IQUB: variants seen among roughly 807,000 people sequenced by gnomAD.
The protein encoded by IQUB is IQ motif and ubiquitin domain containing.
In IQUB, 86 loss-of-function variants were observed where a neutral mutation model predicts 86.4. That is an observed-to-expected ratio of 1.00 (90% CI 0.84 to 1.19). The LOEUF is 1.19. Ranked by LOEUF, IQUB falls within the 50% of genes most tolerant of loss-of-function variation. The pLI is 0.00. For synonymous variants in IQUB, 289 were observed against 304.5 expected (o/e 0.95, Z 0.53); for missense variants, 946 against 916.9 (o/e 1.03, Z -0.41).
chr7:123,494,595 T>C (rs1179016182), intron 7 of IQUB, among the ~76,000 whole-genome samples: 1 of 152,170 alleles, frequency 6.6e-6, no homozygotes, highest in Non-Finnish European at 1.5e-5. Context: ...TTTTCCTCCA[T>C]ATATAAATCA....
intron 11 of IQUB, 44 bp downstream of exon 11, chr7:123,461,313 C>G: frequency 6.4e-7 from 1 of 1,552,068 alleles, no homozygotes; most frequent in Non-Finnish European, 8.7e-7. Flanking sequence ...AGATAGCCTC[C>G]TTGACAAGCT....
rs369691241 is a variant in IQUB, at chr7:123,503,134, G to T, written c.695-18C>A. 10 of 1,609,714 alleles carry T rather than the reference G, an allele frequency of 6.2e-6. No individual in the cohort carries two copies. The highest frequency in any genetic ancestry group is 8.5e-6 in the Non-Finnish European group (10 of 1,178,308). On this transcript the variant is annotated intron_variant, in intron 4 of 12. Coordinates refer to ENST00000324698, the MANE Select transcript of IQUB (RefSeq NM_178827.5). ...ATCAAGTCCTGAGAGATAACACCAAGATTCAATGAAAGCTCAACCAAGAAG... is the reference window on the plus strand; with the variant it reads ...ATCAAGTCCTGAGAGATAACACCAATATTCAATGAAAGCTCAACCAAGAAG...
chr7:123,511,812 G>T (rs1796426171), intron 2 of IQUB, 132 bp downstream of exon 2: 1 of 625,058 alleles, frequency 1.6e-6, no homozygotes, highest in Non-Finnish European at 2.6e-6. Context: ...AACTCTGGAA[G>T]TTTGGTGGAT....
intron 9 of IQUB, among the ~76,000 whole-genome samples, chr7:123,466,805 T>G (rs1049928776): frequency 1.3e-5 from 2 of 152,144 alleles, no homozygotes; most frequent in African/African-American, 4.8e-5. Flanking sequence ...TTATATATAG[T>G]GAACCACTGA....
intron 3 of IQUB, among the ~76,000 whole-genome samples, chr7:123,506,196 T>TA (rs1562864534): frequency 1.3e-5 from 2 of 152,212 alleles, no homozygotes; most frequent in African/African-American, 4.8e-5. Context: ...TCCATATCAC[T>TA]ATCAGCATTT....
At chr7:123,526,745 T>C (rs1797235323) in intron 1 of IQUB, among the ~76,000 whole-genome samples, 1 of 151,822 alleles carries the variant, frequency 6.6e-6, no homozygotes. Context: ...GTCATTATGA[T>C]GTTAGCTGGT....
At chr7:123,508,354 T>G (rs1313971078) in intron 3 of IQUB, among the ~76,000 whole-genome samples, 1 of 152,214 alleles carries the variant, frequency 6.6e-6, no homozygotes, top group African/African-American at 2.4e-5. Context: ...GCGAAATATA[T>G]GTGCTGCTTT....
chr7:123,528,412 T>C (rs1430964493), intron 1 of IQUB, among the ~76,000 whole-genome samples: 1 of 152,224 alleles, frequency 6.6e-6, no homozygotes, highest in African/African-American at 2.4e-5. Flanking sequence ...TTCTCACAGA[T>C]GATATCATTA....
chr7:123,531,442 G>T (rs994060627), intron 1 of IQUB, among the ~76,000 whole-genome samples: 1 of 151,964 alleles, frequency 6.6e-6, no homozygotes, highest in African/African-American at 2.4e-5. Flanking sequence ...AAAACATAAT[G>T]CTGGGTATTT....
chr7:123,512,808 G>A (rs1015185638), intron 1 of IQUB, among the ~76,000 whole-genome samples: 1 of 152,076 alleles, frequency 6.6e-6, no homozygotes, highest in Non-Finnish European at 1.5e-5. Context: ...TGTAGCAGAG[G>A]TCTACAGTGA....
At chr7:123,462,856 A>AACTC (rs1419021193) in intron 10 of IQUB, 4 of 455,178 alleles carry the variant, frequency 8.8e-6, no homozygotes, top group Admixed American at 2.4e-5. Flanking sequence ...AGAAAAAAAT[A>AACTC]ACTCATTCTT....
At chr7:123,462,593 G>A (rs764596936) in intron 10 of IQUB, 8 of 197,556 alleles carry the variant, frequency 4.0e-5, no homozygotes, top group East Asian at 3.8e-4. Context: ...TCAATTCTTC[G>A]AGAGAAAAGA....
intron 1 of IQUB, among the ~76,000 whole-genome samples, chr7:123,530,799 C>T (rs1485073606): frequency 2.0e-5 from 3 of 151,082 alleles, no homozygotes. Flanking sequence ...GCCTCAGCCT[C>T]CCCAGTAGCT....
intron 1 of IQUB, among the ~76,000 whole-genome samples, chr7:123,525,772 T>A (rs1466825595): frequency 6.6e-6 from 1 of 152,076 alleles, no homozygotes; most frequent in African/African-American, 2.4e-5. Context: ...CTTGCTTTTC[T>A]AGTTCTTTTA....
At chr7:123,467,903 G>GC (rs1260979640) in intron 9 of IQUB, among the ~76,000 whole-genome samples, 1 of 152,170 alleles carries the variant, frequency 6.6e-6, no homozygotes, top group Non-Finnish European at 1.5e-5. Flanking sequence ...AAGACATAGC[G>GC]CAAGTCCTAT....
chr7:123,476,281 T>C (rs1008810838), intron 8 of IQUB, among the ~76,000 whole-genome samples: 7 of 152,204 alleles, frequency 4.6e-5, no homozygotes, highest in Non-Finnish European at 1.0e-4. Context: ...CAGCATTTGC[T>C]TTCTGGAAGA....
intron 7 of IQUB, among the ~76,000 whole-genome samples, chr7:123,484,416 A>G (rs1795132560): frequency 6.6e-6 from 1 of 151,928 alleles, no homozygotes; most frequent in South Asian, 2.1e-4. Flanking sequence ...GAAATAACTG[A>G]GACAATTTAT....
intron 7 of IQUB, among the ~76,000 whole-genome samples, chr7:123,482,077 G>C (rs960123453): frequency 6.6e-6 from 1 of 151,898 alleles, no homozygotes; most frequent in African/African-American, 2.4e-5. Flanking sequence ...TAAAACTGGG[G>C]GGGAGAACCT....
At chr7:123,506,909 C>A (rs1190330748) in intron 3 of IQUB, among the ~76,000 whole-genome samples, 2 of 152,124 alleles carry the variant, frequency 1.3e-5, no homozygotes, top group African/African-American at 2.4e-5. Context: ...TTAACTTCTA[C>A]TCACTCCTCC....
Sources: allele counts gnomAD v4.1 joint callset (sites outside exome capture counted in the v4.1 genomes callset), GRCh38; gene constraint gnomAD v4.1.1; transcripts MANE v1.5; gene names NCBI Gene and HGNC (gene_info 2026-07-23, HGNC 2026-07-21).